The following SYNDIG1 variants were observed in gnomAD, a reference collection of about 807,000 sequenced individuals.
SYNDIG1 encodes the protein synapse differentiation inducing 1.
SYNDIG1 carries 9 observed loss-of-function variants against 19.4 expected under a neutral mutation model. The ratio of observed to expected loss-of-function variants is 0.46; its 90% CI spans 0.28 to 0.81. The LOEUF (loss-of-function observed/expected upper bound fraction) is 0.81. SYNDIG1 is among the 30% of genes least tolerant of loss of function. The pLI is 0.12. For synonymous variants in SYNDIG1, 141 were observed against 145.9 expected, an observed-to-expected ratio of 0.97 and a Z score of 0.24; for missense variants, 311 against 343.3, an observed-to-expected ratio of 0.91 and a Z score of 0.74.
At chr20:24,545,806 A>C (rs1019975871) in intron 2 of SYNDIG1, among the ~76,000 whole-genome samples, 1 of 152,196 alleles carries the variant, frequency 6.6e-6, no homozygotes, top group African/African-American at 2.4e-5. Context: ...AATTCTTTTA[A>C]TAATACAGCA....
chr20:24,557,678 A>T (rs991628655), intron 2 of SYNDIG1, among the ~76,000 whole-genome samples: 4 of 152,102 alleles, frequency 2.6e-5, no homozygotes, highest in African/African-American at 9.7e-5. Context: ...TTTGTCTCAG[A>T]GGAGTACCCG....
chr20:24,631,109 T>C (rs189965857), intron 3 of SYNDIG1, among the ~76,000 whole-genome samples: 1 of 152,338 alleles, frequency 6.6e-6, no homozygotes, highest in African/African-American at 2.4e-5. Flanking sequence ...AAGTCCCAGC[T>C]GGGGAGCCTC....
chr20:24,585,435 C>T (rs1435531855), intron 3 of SYNDIG1, among the ~76,000 whole-genome samples: 1 of 152,126 alleles, frequency 6.6e-6, no homozygotes, highest in East Asian at 1.9e-4. Context: ...AAGGCTCATT[C>T]CTGTAAAATA....
chr20:24,662,474 C>T (rs918720654), intron 3 of SYNDIG1, among the ~76,000 whole-genome samples: 3 of 152,116 alleles, frequency 2.0e-5, no homozygotes, highest in Non-Finnish European at 4.4e-5. Flanking sequence ...TTGGGGGCTA[C>T]GTCTGATGCC....
At chr20:24,491,667 G>A (rs1419996104) in intron 1 of SYNDIG1, 1 of 152,286 alleles carries the variant, frequency 6.6e-6, no homozygotes, top group Non-Finnish European at 1.5e-5. Flanking sequence ...TGACCTTACA[G>A]TCAAATGGCA....
intron 2 of SYNDIG1, among the ~76,000 whole-genome samples, chr20:24,557,132 C>T (rs952572222): frequency 2.6e-5 from 4 of 152,198 alleles, no homozygotes; most frequent in African/African-American, 9.7e-5. Context: ...TCATGTAGTT[C>T]TCGAGCCTTG....
At chr20:24,505,593 T>G (rs1444744693) in intron 1 of SYNDIG1, among the ~76,000 whole-genome samples, 2 of 152,224 alleles carry the variant, frequency 1.3e-5, no homozygotes, top group African/African-American at 4.8e-5. Context: ...GGGTCCTCAT[T>G]CTTAGGCAAT....
In SYNDIG1 at chr20:24,626,145, C is replaced by T. The variant is rs376943565; in HGVS notation, c.619-39201C>T. 2.2e-3 allele frequency among the ~76,000 whole-genome samples: 194 copies of T among 87,838 alleles called. 3 individuals are homozygous for T. The South Asian group carries it at 0.062, about 28-fold the overall frequency. The allele number at this position is 87,838 out of a possible 152,430, so 57.6% of individuals were successfully genotyped here. On this transcript the variant is annotated intron_variant, in intron 3 of 3. Transcript: ENST00000376862. ...GCAGAGGTGCCCCTCACCTCCCGGA[C>T]GGGGCGGCTGGCCGGGCAGGGGGCT... is the stretch of plus-strand genomic sequence containing the variant.
chr20:24,545,853 G>C (rs1198598751), intron 2 of SYNDIG1, among the ~76,000 whole-genome samples: 1 of 152,208 alleles, frequency 6.6e-6, no homozygotes, highest in Non-Finnish European at 1.5e-5. Flanking sequence ...TGCCTACTCT[G>C]TATTAATATT....
chr20:24,523,246 A>G (rs1253874059), intron 1 of SYNDIG1, among the ~76,000 whole-genome samples: 1 of 152,224 alleles, frequency 6.6e-6, no homozygotes, highest in Non-Finnish European at 1.5e-5. Flanking sequence ...CATCTGCAAA[A>G]GGGATGATAA....
intron 3 of SYNDIG1, among the ~76,000 whole-genome samples, chr20:24,623,255 CAAAT>C (rs2059067137): frequency 6.6e-6 from 1 of 150,946 alleles, no homozygotes; most frequent in Admixed American, 6.6e-5. Context: ...TCTGAAGAAA[CAAAT>C]AAAGAAAAAA....
intron 2 of SYNDIG1, among the ~76,000 whole-genome samples, chr20:24,561,465 C>T (rs2057944976): frequency 6.6e-6 from 1 of 152,036 alleles, no homozygotes; most frequent in Admixed American, 6.5e-5. Context: ...CAATTCAACC[C>T]CTTCCAGCAG....
chr20:24,653,657 A>G (rs895272036), intron 3 of SYNDIG1, among the ~76,000 whole-genome samples: 6 of 152,200 alleles, frequency 3.9e-5, no homozygotes. Context: ...TTATCCCTGG[A>G]GAAACTGAAT....
intron 3 of SYNDIG1, among the ~76,000 whole-genome samples, chr20:24,652,708 T>TA (rs2059485200): frequency 1.3e-5 from 2 of 149,658 alleles, no homozygotes; most frequent in East Asian, 4.0e-4. Context: ...GTTGGAGGCT[T>TA]TCTCCACTCA....
chr20:24,636,242 T>C (rs114132241), intron 3 of SYNDIG1, among the ~76,000 whole-genome samples: 5,324 of 152,322 alleles, frequency 0.035, 139 homozygotes, highest in African/African-American at 0.071. Context: ...TCATCTATTA[T>C]TGAAGCTGCG....
chr20:24,599,516 A>G (rs1191941180), intron 3 of SYNDIG1, among the ~76,000 whole-genome samples: 1 of 152,180 alleles, frequency 6.6e-6, no homozygotes, highest in African/African-American at 2.4e-5. Flanking sequence ...AATTATATCA[A>G]ATAAATACCT....
intron 3 of SYNDIG1, among the ~76,000 whole-genome samples, chr20:24,649,674 C>T (rs936573105): frequency 3.3e-5 from 5 of 152,130 alleles, no homozygotes; most frequent in Non-Finnish European, 5.9e-5. Flanking sequence ...CCAAACACCA[C>T]GTCCTGTCTC....
At chr20:24,553,155 T>C (rs2057740576) in intron 2 of SYNDIG1, among the ~76,000 whole-genome samples, 1 of 151,600 alleles carries the variant, frequency 6.6e-6, no homozygotes, top group South Asian at 2.1e-4. Flanking sequence ...TTTGATGGGG[T>C]TGTTTGTTTT....
chr20:24,582,458 C>T (rs1394560946), intron 2 of SYNDIG1, among the ~76,000 whole-genome samples: 7 of 144,520 alleles, frequency 4.8e-5, no homozygotes, highest in South Asian at 2.2e-4. Context: ...ACATCCTTCC[C>T]CCTGCACGTG....
Sources: allele counts gnomAD v4.1 joint callset (sites outside exome capture counted in the v4.1 genomes callset), GRCh38; gene constraint gnomAD v4.1.1; transcripts MANE v1.5; gene names NCBI Gene and HGNC (gene_info 2026-07-23, HGNC 2026-07-21).